The following RBFOX1 variants were observed in gnomAD, a reference collection of about 807,000 sequenced individuals.
RBFOX1 encodes RNA binding protein fox-1 homolog 1.
A neutral mutation model predicts 57.7 loss-of-function variants in RBFOX1; 8 were observed. The ratio of observed to expected loss-of-function variants is 0.14; its 90% confidence interval spans 0.08 to 0.25. RBFOX1 has a LOEUF of 0.25. Ranked by LOEUF, RBFOX1 falls within the 10% of genes least tolerant of loss-of-function variation. The pLI, the probability that RBFOX1 is intolerant of heterozygous loss-of-function variation, is 1.00. For missense variants in RBFOX1, 611 were observed against 548.5 expected (o/e 1.11, Z -1.14); for synonymous variants, 326 against 222.4 (o/e 1.47, Z -4.15).
chr16:5,774,295 G>A (rs1218373267), intron 3 of RBFOX1, among the ~76,000 whole-genome samples: 1 of 152,184 alleles, frequency 6.6e-6, no homozygotes, highest in Non-Finnish European at 1.5e-5. Context: ...TCTGTTTCTG[G>A]ATTAATAACA....
chr16:5,632,001 A>G (rs1432394670), intron 3 of RBFOX1, among the ~76,000 whole-genome samples: 2 of 152,194 alleles, frequency 1.3e-5, no homozygotes, highest in Non-Finnish European at 2.9e-5. Context: ...GCTTCCGTCT[A>G]AAGATCTCAC....
intron 2 of RBFOX1, among the ~76,000 whole-genome samples, chr16:5,471,997 G>A (rs1467685798): frequency 6.6e-6 from 1 of 152,184 alleles, no homozygotes; most frequent in East Asian, 1.9e-4. Context: ...CAGGCAGGCT[G>A]TTTTTCAGAT....
chr16:6,675,431 C>T (rs1485243860), intron 3 of RBFOX1, among the ~76,000 whole-genome samples: 1 of 151,992 alleles, frequency 6.6e-6, no homozygotes, highest in African/African-American at 2.4e-5. Context: ...AGCAAACTGG[C>T]CCAGAAGATT....
chr16:7,612,883 G>A (rs1404715889), intron 10 of RBFOX1, among the ~76,000 whole-genome samples: 1 of 152,126 alleles, frequency 6.6e-6, no homozygotes, highest in African/African-American at 2.4e-5. Flanking sequence ...TATTCCATCA[G>A]CGGGACTATA....
chr16:7,099,834 T>A (rs2062367108), intron 4 of RBFOX1, among the ~76,000 whole-genome samples: 1 of 152,178 alleles, frequency 6.6e-6, no homozygotes, highest in African/African-American at 2.4e-5. Context: ...TAAAGGGTTA[T>A]GGAGACCTAG....
chr16:6,613,917 G>A (rs12931363), intron 2 of RBFOX1, among the ~76,000 whole-genome samples: 29,771 of 152,064 alleles, frequency 0.2, 3,269 homozygotes, highest in Middle Eastern at 0.25. Context: ...CAGCCTGGGC[G>A]ACAGAGTGTG....
At chr16:7,264,703 C>CTT (rs202152020) in intron 4 of RBFOX1, among the ~76,000 whole-genome samples, 1 of 150,074 alleles carries the variant, frequency 6.7e-6, no homozygotes, top group East Asian at 1.9e-4. Context: ...TTTTTCTCAA[C>CTT]TTTTTTTTTT....
intron 3 of RBFOX1, among the ~76,000 whole-genome samples, chr16:6,929,572 G>A (rs1305681919): frequency 6.6e-6 from 1 of 152,126 alleles, no homozygotes; most frequent in Non-Finnish European, 1.5e-5. Flanking sequence ...GAAGAGGTCT[G>A]CATGGGGCCG....
At chr16:6,871,420 A>T (rs2060857008) in intron 3 of RBFOX1, among the ~76,000 whole-genome samples, 1 of 152,128 alleles carries the variant, frequency 6.6e-6, no homozygotes, top group East Asian at 1.9e-4. Context: ...TCCTGAGGTC[A>T]AATGATCTGC....
intron 3 of RBFOX1, among the ~76,000 whole-genome samples, chr16:7,038,561 G>T (rs938395301): frequency 6.6e-6 from 1 of 152,138 alleles, no homozygotes; most frequent in Non-Finnish European, 1.5e-5. Flanking sequence ...ACATTTCGTG[G>T]TTTAGCTTGT....
intron 2 of RBFOX1, among the ~76,000 whole-genome samples, chr16:5,504,906 A>C (rs1446492955): frequency 6.6e-6 from 1 of 152,200 alleles, no homozygotes; most frequent in East Asian, 1.9e-4. Context: ...AGATCTGTAG[A>C]GACAGACAGT....
intron 4 of RBFOX1, among the ~76,000 whole-genome samples, chr16:5,948,705 G>C (rs1350926374): frequency 3.9e-5 from 6 of 152,178 alleles, no homozygotes; most frequent in African/African-American, 1.4e-4. Flanking sequence ...TGTTCCCTCA[G>C]AGCCGCAGGA....
chr16:5,242,164 C>G (rs1249353540), intron 1 of RBFOX1, among the ~76,000 whole-genome samples: 2 of 151,984 alleles, frequency 1.3e-5, no homozygotes, highest in Admixed American at 1.3e-4. Flanking sequence ...TGTCTTAAGC[C>G]AGAATCTCCA....
intron 3 of RBFOX1, among the ~76,000 whole-genome samples, chr16:6,662,402 T>G (rs2098707323): frequency 6.6e-6 from 1 of 152,154 alleles, no homozygotes; most frequent in Non-Finnish European, 1.5e-5. Flanking sequence ...ATATGCAATT[T>G]TTGTTTTTCA....
chr16:6,919,288 C>G (rs910701056), intron 3 of RBFOX1, among the ~76,000 whole-genome samples: 3 of 152,034 alleles, frequency 2.0e-5, no homozygotes, highest in Non-Finnish European at 2.9e-5. Context: ...GCGCCTGGCC[C>G]AAGAGGTAAT....
At chr16:7,158,699 G>A (rs1330987267) in intron 4 of RBFOX1, among the ~76,000 whole-genome samples, 1 of 94,860 alleles carries the variant, frequency 1.1e-5, no homozygotes, top group African/African-American at 2.7e-5. Context: ...CTGTGTGTTT[G>A]TGTGGTGCAT....
chr16:7,001,398 T>TCGTATATGTATA (rs2092782327), intron 3 of RBFOX1, among the ~76,000 whole-genome samples: 1 of 100,890 alleles, frequency 9.9e-6, no homozygotes, highest in Admixed American at 1.0e-4. Context: ...GTATGTGTAT[T>TCGTATATGTATA]TGTATATGTA....
At chr16:7,529,158 G>T (rs929983216) in intron 5 of RBFOX1, among the ~76,000 whole-genome samples, 3 of 152,300 alleles carry the variant, frequency 2.0e-5, no homozygotes, top group African/African-American at 7.2e-5. Flanking sequence ...CTGCTCGGGA[G>T]GCTGAGGCAG....
intron 2 of RBFOX1, among the ~76,000 whole-genome samples, chr16:6,576,531 A>G (rs2097439763): frequency 6.6e-6 from 1 of 152,172 alleles, no homozygotes; most frequent in African/African-American, 2.4e-5. Flanking sequence ...GGACATTGAA[A>G]TGCTATGGCT....
Sources: gnomAD v4.1 joint callset for allele counts (sites outside exome capture counted in the v4.1 genomes callset) on GRCh38, gnomAD v4.1.1 for gene constraint, MANE v1.5 for transcripts, NCBI Gene and HGNC (gene_info 2026-07-23, HGNC 2026-07-21) for gene names.